IMMP2L: variants seen among roughly 807,000 people sequenced by gnomAD.
The protein encoded by IMMP2L is mitochondrial inner membrane protease subunit 2.
Under a neutral mutation model 19.3 loss-of-function variants are expected in IMMP2L, and 18 were observed. The observed-to-expected ratio is 0.93, with a 90% CI of 0.64 to 1.38. The LOEUF (loss-of-function observed/expected upper bound fraction) is 1.38, where lower values mean the gene tolerates loss of function less well. Among genes scored for constraint, IMMP2L ranks in the 40% most tolerant of loss-of-function variants. The pLI is 0.00. For missense variants in IMMP2L, 233 were observed against 218.2 expected, an observed-to-expected ratio of 1.07 and a Z score of -0.43; for synonymous variants, 76 against 73.0, an observed-to-expected ratio of 1.04 and a Z score of -0.21.
intron 3 of IMMP2L, chr7:111,124,927 A>AT: frequency 2.9e-6 from 4 of 1,382,460 alleles, no homozygotes; most frequent in Non-Finnish European, 3.9e-6. Context: ...TACTCCAAAA[A>AT]TGAACAAAAA....
At chr7:111,119,701 C>T (rs994085865) in intron 3 of IMMP2L, among the ~76,000 whole-genome samples, 28 of 152,152 alleles carry the variant, frequency 1.8e-4, no homozygotes, top group Admixed American at 5.9e-4. Flanking sequence ...TAATACAATT[C>T]ATTTATCAGT....
chr7:111,315,624 C>T (rs1005329183), intron 3 of IMMP2L, among the ~76,000 whole-genome samples: 3 of 151,798 alleles, frequency 2.0e-5, no homozygotes, highest in Non-Finnish European at 2.9e-5. Context: ...TTAATGTAAA[C>T]CAATCATAGT....
At chr7:111,295,989 A>T (rs200843112) in intron 3 of IMMP2L, among the ~76,000 whole-genome samples, 4 of 48,236 alleles carry the variant, frequency 8.3e-5, no homozygotes, top group African/African-American at 3.5e-4. Flanking sequence ...GAATGTTAAA[A>T]AAAAAAAAAA....
chr7:111,267,803 AG>A (rs1817989193), intron 3 of IMMP2L, among the ~76,000 whole-genome samples: 1 of 152,122 alleles, frequency 6.6e-6, no homozygotes, highest in Admixed American at 6.5e-5. Context: ...ATATTATTCC[AG>A]GATAGACCAC....
At chr7:111,168,614 G>T (rs1806095383) in intron 3 of IMMP2L, among the ~76,000 whole-genome samples, 1 of 151,882 alleles carries the variant, frequency 6.6e-6, no homozygotes, top group African/African-American at 2.4e-5. Context: ...TTGCTATATA[G>T]ATTTTACTTA....
chr7:111,322,439 T>C (rs1223426791), intron 3 of IMMP2L, among the ~76,000 whole-genome samples: 1 of 151,778 alleles, frequency 6.6e-6, no homozygotes, highest in Non-Finnish European at 1.5e-5. Flanking sequence ...GACAGAACCA[T>C]GAGTCACTTT....
At chr7:111,227,664 C>A (rs563101253) in intron 3 of IMMP2L, among the ~76,000 whole-genome samples, 3 of 152,048 alleles carry the variant, frequency 2.0e-5, no homozygotes, top group Non-Finnish European at 4.4e-5. Flanking sequence ...TCTGCATAAG[C>A]CAGAAATAAA....
chr7:111,499,821 C>T (rs1474900743), intron 2 of IMMP2L, among the ~76,000 whole-genome samples: 1 of 151,996 alleles, frequency 6.6e-6, no homozygotes, highest in Non-Finnish European at 1.5e-5. Flanking sequence ...AAAGGAGGCC[C>T]GGTGGAGCCA....
intron 3 of IMMP2L, among the ~76,000 whole-genome samples, chr7:111,200,018 T>A (rs1432476936): frequency 6.6e-6 from 1 of 152,090 alleles, no homozygotes; most frequent in Non-Finnish European, 1.5e-5. Flanking sequence ...TTCACAACTC[T>A]CAGGTTTCAA....
chr7:110,945,582 G>A (rs1470802003), intron 4 of IMMP2L, among the ~76,000 whole-genome samples: 1 of 152,000 alleles, frequency 6.6e-6, no homozygotes, highest in African/African-American at 2.4e-5. Flanking sequence ...CTACCAAAAT[G>A]TATGTACTGA....
intron 5 of IMMP2L, among the ~76,000 whole-genome samples, chr7:110,788,447 T>C (rs1363418582): frequency 1.3e-5 from 2 of 151,106 alleles, no homozygotes; most frequent in Non-Finnish European, 1.5e-5. Context: ...TCAGTCTTTT[T>C]GGATGACTCC....
At chr7:110,981,634 G>A (rs1433045134) in intron 3 of IMMP2L, among the ~76,000 whole-genome samples, 1 of 151,044 alleles carries the variant, frequency 6.6e-6, no homozygotes, top group Non-Finnish European at 1.5e-5. Context: ...TTAAGATTTT[G>A]AAATATCTCA....
intron 5 of IMMP2L, among the ~76,000 whole-genome samples, chr7:110,698,959 T>C (rs1014167883): frequency 7.9e-5 from 12 of 152,224 alleles, no homozygotes; most frequent in South Asian, 4.1e-4. Flanking sequence ...ATCGTTTTTA[T>C]AGATTTCCAA....
chr7:111,288,729 C>T (rs1215900854), intron 3 of IMMP2L, among the ~76,000 whole-genome samples: 1 of 152,142 alleles, frequency 6.6e-6, no homozygotes, highest in Non-Finnish European at 1.5e-5. Flanking sequence ...TACCATCTCA[C>T]TCCAGTTAGA....
At chr7:111,532,585 A>C (rs1190131590) in intron 1 of IMMP2L, 1 of 152,196 alleles carries the variant, frequency 6.6e-6, no homozygotes, top group Non-Finnish European at 1.5e-5. Context: ...GAATCAGGCC[A>C]CTAGACCCCA....
intron 4 of IMMP2L, among the ~76,000 whole-genome samples, chr7:110,907,766 G>A (rs762972200): frequency 6.6e-6 from 1 of 152,232 alleles, no homozygotes; most frequent in South Asian, 2.1e-4. Context: ...ATTTTTTGCT[G>A]TTATCATAAG....
intron 4 of IMMP2L, among the ~76,000 whole-genome samples, chr7:110,940,850 A>G (rs62464021): frequency 1.3e-4 from 3 of 22,994 alleles, no homozygotes; most frequent in South Asian, 5.7e-4. Flanking sequence ...TGGCTTGGGG[A>G]AAAAAAATGA....
chr7:111,393,262 C>CA (rs1181151658), intron 3 of IMMP2L, among the ~76,000 whole-genome samples: 1 of 151,700 alleles, frequency 6.6e-6, no homozygotes, highest in Non-Finnish European at 1.5e-5. Context: ...GAACTGGAAA[C>CA]AAAAAAAGAA....
At chr7:111,490,937 G>T (rs2132310611) in intron 2 of IMMP2L, among the ~76,000 whole-genome samples, 1 of 152,104 alleles carries the variant, frequency 6.6e-6, no homozygotes, top group South Asian at 2.1e-4. Context: ...ACAATACACA[G>T]ATTTTTTTCA....
Sources: allele counts gnomAD v4.1 joint callset (sites outside exome capture counted in the v4.1 genomes callset), GRCh38; gene constraint gnomAD v4.1.1; transcripts MANE v1.5; gene names NCBI Gene and HGNC (gene_info 2026-07-23, HGNC 2026-07-21).